Variants in TENM1 observed in about 807,000 individuals in gnomAD.
The protein encoded by TENM1 is teneurin-1.
TENM1 carries 35 observed loss-of-function variants against 174.8 expected under a neutral mutation model. The observed-to-expected ratio is 0.20, with a 90% confidence interval of 0.15 to 0.27. The LOEUF is 0.27. Among genes scored for constraint, TENM1 ranks in the 10% least tolerant of loss-of-function variants. The pLI, the probability that TENM1 is intolerant of heterozygous loss-of-function variation, is 1.00. For synonymous variants in TENM1, 781 were observed against 798.7 expected, an observed-to-expected ratio of 0.98 and a Z score of 0.37; for missense variants, 1,633 against 2,130.1, an observed-to-expected ratio of 0.77 and a Z score of 4.59.
chrX:124,523,743 G>A (rs925674948), intron 16 of TENM1, 118 bp from the exon 20 acceptor site: 44 of 693,838 alleles, frequency 6.3e-5, no homozygotes, highest in African/African-American at 1.3e-4. Context: ...ATATCCACTT[G>A]TATTGTCTAT....
At chrX:124,582,909 G>A (rs1469640071) in intron 11 of TENM1, among the ~76,000 whole-genome samples, 1 of 112,358 alleles carries the variant, frequency 8.9e-6, no homozygotes, top group Non-Finnish European at 1.9e-5. Flanking sequence ...AGGGTCCTAC[G>A]CCCACGGAGT....
the TENM1 span, among the ~76,000 whole-genome samples, chrX:124,981,956 T>TAAAAA: frequency 3.0e-3 from 78 of 26,420 alleles, no homozygotes; most frequent in South Asian, 3.7e-3. Flanking sequence ...TAGAGTATAA[T>TAAAAA]AAAAAAAAAA....
intron 18 of TENM1, among the ~76,000 whole-genome samples, chrX:124,505,080 C>T (rs2051576): frequency 0.36 from 40,017 of 111,146 alleles, 6,985 homozygotes; most frequent in African/African-American, 0.7. Flanking sequence ...TTCATGGATA[C>T]GACCCATGCT....
chrX:125,121,616 A>G, the TENM1 span, among the ~76,000 whole-genome samples: 3 of 112,152 alleles, frequency 2.7e-5, no homozygotes, highest in Non-Finnish European at 5.6e-5. Flanking sequence ...CAATTTCTAC[A>G]GTAGCATATA....
At chrX:124,950,057 G>C (rs1302912618) in intron 1 of TENM1, among the ~76,000 whole-genome samples, 1 of 110,900 alleles carries the variant, frequency 9.0e-6, no homozygotes, top group Non-Finnish European at 1.9e-5. Flanking sequence ...ACATTGAAAA[G>C]TGAGAGGAGC....
At chrX:124,390,496 T>C (rs1490111795) in intron 28 of TENM1, among the ~76,000 whole-genome samples, 1 of 112,132 alleles carries the variant, frequency 8.9e-6, no homozygotes, top group Non-Finnish European at 1.9e-5. Context: ...TGACTGTCTA[T>C]AGGCAATTAG....
chrX:125,171,290 A>G, the TENM1 span, among the ~76,000 whole-genome samples: 1 of 111,077 alleles, frequency 9.0e-6, no homozygotes, highest in East Asian at 2.8e-4. Flanking sequence ...TAACCAAAGT[A>G]ACACCTTCCT....
intron 5 of TENM1, among the ~76,000 whole-genome samples, chrX:124,697,032 C>T (rs937360587): frequency 2.7e-5 from 3 of 111,273 alleles, no homozygotes; most frequent in African/African-American, 9.8e-5. Context: ...ATCAGGAAAG[C>T]TCCTTTAATA....
At chrX:124,572,963 T>G (rs183755953) in intron 11 of TENM1, among the ~76,000 whole-genome samples, 1 of 111,397 alleles carries the variant, frequency 9.0e-6, no homozygotes, top group African/African-American at 3.3e-5. Flanking sequence ...TTCAATGTAA[T>G]TCTGGTAAAT....
Position 124,503,864 on chromosome X carries a change from T to A in TENM1, c.3302-161A>T, listed in dbSNP as rs574947701. ...TCACCTAGCACAGTACAACATTGCA[T>A]CTAGCATAGCATTGGTCACTCAAAA... On this transcript the variant is annotated intron_variant, in intron 18 of 31. Transcript: ENST00000422452. Among the ~76,000 whole-genome samples the A allele has an allele frequency of 8.0e-5, 9 of 112,378 alleles. No homozygotes were observed. The South Asian group carries it at 3.3e-3, about 41-fold the overall frequency.
chrX:125,032,759 C>T, the TENM1 span, among the ~76,000 whole-genome samples: 1 of 111,680 alleles, frequency 9.0e-6, no homozygotes, highest in African/African-American at 3.3e-5. Context: ...ATCCTTTAAG[C>T]ACATCCCAAT....
chrX:124,815,753 T>C (rs1232473440), intron 3 of TENM1, among the ~76,000 whole-genome samples: 1 of 111,137 alleles, frequency 9.0e-6, no homozygotes, highest in African/African-American at 3.3e-5. Context: ...ATTTAAAACA[T>C]TGCGAATGGT....
At chrX:124,896,421 A>G (rs966807887) in intron 1 of TENM1, among the ~76,000 whole-genome samples, 180 bp from the exon 5 acceptor site, 5 of 111,592 alleles carry the variant, frequency 4.5e-5, no homozygotes. Flanking sequence ...GCACTTCTGT[A>G]GCTTAAAATT....
chrX:124,831,041 A>G (rs2056278103), intron 3 of TENM1, among the ~76,000 whole-genome samples: 1 of 111,900 alleles, frequency 8.9e-6, no homozygotes, highest in Non-Finnish European at 1.9e-5. Flanking sequence ...GTCAAGGACA[A>G]TTTTTGAAGA....
chrX:125,111,088 T>C, the TENM1 span, among the ~76,000 whole-genome samples: 20,619 of 111,805 alleles, frequency 0.18, 2,427 homozygotes, highest in African/African-American at 0.44. Context: ...AGCTAGGTTA[T>C]AGAGGACTCA....
At chrX:124,538,113 A>G (rs2048243274) in intron 15 of TENM1, among the ~76,000 whole-genome samples, 1 of 112,244 alleles carries the variant, frequency 8.9e-6, no homozygotes. Flanking sequence ...GGAGACAGTC[A>G]GCACTATAAA....
chrX:124,573,018 A>G (rs1219555512), intron 11 of TENM1, among the ~76,000 whole-genome samples: 1 of 111,615 alleles, frequency 9.0e-6, no homozygotes, highest in Admixed American at 9.5e-5. Flanking sequence ...TCTATATGAA[A>G]CAGAAAAGGC....
At chrX:124,883,172 A>G (rs2147522839) in intron 3 of TENM1, among the ~76,000 whole-genome samples, 2 of 111,677 alleles carry the variant, frequency 1.8e-5, no homozygotes, top group South Asian at 7.6e-4. Context: ...TGCATCAGGT[A>G]TAACAGTTGC....
the TENM1 span, among the ~76,000 whole-genome samples, chrX:125,114,298 A>G: frequency 4.5e-5 from 5 of 112,032 alleles, no homozygotes; most frequent in African/African-American, 1.6e-4. Flanking sequence ...AAATGCCCAC[A>G]GGAGAAAGCA....
Sources: allele counts gnomAD v4.1 joint callset (sites outside exome capture counted in the v4.1 genomes callset), GRCh38; gene constraint gnomAD v4.1.1; transcripts MANE v1.5; gene names NCBI Gene and HGNC (gene_info 2026-07-23, HGNC 2026-07-21).